GALNT14: variants seen among roughly 807,000 people sequenced by gnomAD.
The protein encoded by GALNT14 is UDP-GalNAc:polypeptide N-acetylgalactosaminyltransferase 14.
A neutral mutation model predicts 77.5 loss-of-function variants in GALNT14; 60 were observed. That is an observed-to-expected ratio of 0.77 (90% confidence interval 0.63 to 0.96). The LOEUF (loss-of-function observed/expected upper bound fraction) is 0.96, where lower values mean the gene tolerates loss of function less well. Among genes scored for constraint, GALNT14 ranks in the 40% least tolerant of loss-of-function variants. GALNT14 has a pLI of 0.00. For missense variants in GALNT14, 710 were observed against 731.0 expected (o/e 0.97, Z 0.33); for synonymous variants, 280 against 281.7 (o/e 0.99, Z 0.06).
intron 10 of GALNT14, among the ~76,000 whole-genome samples, chr2:30,931,445 G>A (rs1665719759): frequency 6.6e-6 from 1 of 152,204 alleles, no homozygotes; most frequent in East Asian, 1.9e-4. Flanking sequence ...GGAAAAAAGA[G>A]TGGATGAAGG....
At chr2:31,057,471 G>A (rs1423862831) in intron 1 of GALNT14, among the ~76,000 whole-genome samples, 2 of 148,088 alleles carry the variant, frequency 1.4e-5, no homozygotes, top group South Asian at 2.1e-4. Flanking sequence ...TATATACCTT[G>A]TGTAAATGTA....
chr2:31,114,769 C>G, intron 1 of GALNT14: 1 of 717,336 alleles, frequency 1.4e-6, no homozygotes, highest in South Asian at 1.5e-5. Context: ...CCTGAGTCTG[C>G]AAATGGAACT....
intron 1 of GALNT14, among the ~76,000 whole-genome samples, chr2:31,121,624 G>A (rs1365173225): frequency 6.6e-6 from 1 of 152,080 alleles, no homozygotes; most frequent in Non-Finnish European, 1.5e-5. Context: ...CTCATGCTGA[G>A]TCCTGCCACC....
At chr2:31,026,084 C>T (rs971663560) in intron 1 of GALNT14, among the ~76,000 whole-genome samples, 1 of 152,194 alleles carries the variant, frequency 6.6e-6, no homozygotes, top group South Asian at 2.1e-4. Context: ...TACCACATAA[C>T]ATTGACCATC....
At chr2:30,955,775 T>C in intron 5 of GALNT14, 36 bp from the exon 6 acceptor site, 2 of 1,612,992 alleles carry the variant, frequency 1.2e-6, no homozygotes, top group Non-Finnish European at 1.7e-6. Context: ...TGGGTGCCAC[T>C]GTCACTCCAT....
At chr2:31,018,529 C>T (rs1051617286) in intron 1 of GALNT14, among the ~76,000 whole-genome samples, 1 of 152,168 alleles carries the variant, frequency 6.6e-6, no homozygotes, top group Non-Finnish European at 1.5e-5. Context: ...AACACCGCCC[C>T]CGTGATCCAG....
chr2:31,028,819 A>T (rs1672232292), intron 1 of GALNT14, among the ~76,000 whole-genome samples: 1 of 152,180 alleles, frequency 6.6e-6, no homozygotes, highest in Non-Finnish European at 1.5e-5. Context: ...GTGGTATTTC[A>T]TTGGCATGAT....
intron 1 of GALNT14, among the ~76,000 whole-genome samples, chr2:31,047,969 C>G (rs11688363): frequency 0.83 from 126,051 of 152,270 alleles, 52,494 homozygotes; most frequent in East Asian, 1. Flanking sequence ...AGCCTGTCCT[C>G]AACAGCATCG....
intron 2 of GALNT14, among the ~76,000 whole-genome samples, chr2:30,984,527 G>C (rs1469763236): frequency 2.0e-5 from 3 of 152,178 alleles, no homozygotes; most frequent in African/African-American, 7.2e-5. Flanking sequence ...CTGAATTCAA[G>C]ACTTTGCCAC....
At chr2:30,962,446 C>T (rs1418949745) in intron 3 of GALNT14, among the ~76,000 whole-genome samples, 2 of 152,218 alleles carry the variant, frequency 1.3e-5, no homozygotes, top group Admixed American at 1.3e-4. Flanking sequence ...GGATCCATTG[C>T]CCATGCCTCA....
chr2:31,120,806 C>T (rs962502684), intron 1 of GALNT14, among the ~76,000 whole-genome samples: 5 of 152,280 alleles, frequency 3.3e-5, no homozygotes, highest in Middle Eastern at 3.4e-3. Flanking sequence ...ACCCACTGGC[C>T]TCGGCCCCCA....
chr2:31,016,765 T>C (rs533063787), intron 1 of GALNT14, among the ~76,000 whole-genome samples: 4 of 152,298 alleles, frequency 2.6e-5, no homozygotes, highest in Non-Finnish European at 5.9e-5. Context: ...TTGCAGAGCA[T>C]CTTCCCCCGC....
chr2:30,968,093 C>T (rs890787377), intron 2 of GALNT14, among the ~76,000 whole-genome samples: 4 of 152,334 alleles, frequency 2.6e-5, no homozygotes, highest in African/African-American at 7.2e-5. Context: ...ACTCTTTTCT[C>T]GCAGTTCTCG....
At chr2:30,997,622 A>G (rs1670116757) in intron 1 of GALNT14, among the ~76,000 whole-genome samples, 1 of 152,226 alleles carries the variant, frequency 6.6e-6, no homozygotes, top group African/African-American at 2.4e-5. Context: ...AATTTATTCA[A>G]CCTAGAGGGA....
At chr2:30,909,146 C>CGG (rs1282761330), downstream of GALNT14, among the ~76,000 whole-genome samples, 1 of 151,276 alleles carries the variant, frequency 6.6e-6, no homozygotes, top group African/African-American at 2.4e-5. Context: ...GACATAGGCA[C>CGG]GGGCAAGGAC....
intron 1 of GALNT14, among the ~76,000 whole-genome samples, chr2:31,040,260 A>C (rs921180559): frequency 2.0e-5 from 3 of 152,206 alleles, no homozygotes; most frequent in African/African-American, 7.2e-5. Flanking sequence ...TTACTGAAAG[A>C]GGCTAAAAGG....
At chr2:30,933,216 C>G (rs765768052) in intron 9 of GALNT14, among the ~76,000 whole-genome samples, 1 of 152,120 alleles carries the variant, frequency 6.6e-6, no homozygotes, top group East Asian at 1.9e-4. Context: ...TAATGTACCC[C>G]CTAACTGACC....
chr2:30,958,305 TC>T, intron 4 of GALNT14, 91 bp downstream of exon 4: 1 of 1,109,926 alleles, frequency 9.0e-7, no homozygotes, highest in Non-Finnish European at 1.4e-6. Flanking sequence ...TTTTCCCCAT[TC>T]CCAGAAAACC....
chr2:31,074,064 G>A (rs1675600202), intron 1 of GALNT14, among the ~76,000 whole-genome samples: 1 of 152,202 alleles, frequency 6.6e-6, no homozygotes, highest in African/African-American at 2.4e-5. Context: ...TGAGGAGTTA[G>A]AAGAGGTAAA....
Sources: gnomAD v4.1 joint callset for allele counts (sites outside exome capture counted in the v4.1 genomes callset) on GRCh38, gnomAD v4.1.1 for gene constraint, MANE v1.5 for transcripts, NCBI Gene and HGNC (gene_info 2026-07-23, HGNC 2026-07-21) for gene names.